SLCO3A1: variants seen among roughly 807,000 people sequenced by gnomAD.
SLCO3A1 encodes solute carrier organic anion transporter family member 3A1.
In SLCO3A1, 27 loss-of-function variants were observed where a neutral mutation model predicts 63.1. The ratio of observed to expected loss-of-function variants is 0.43; its 90% CI spans 0.32 to 0.59. The LOEUF (loss-of-function observed/expected upper bound fraction) is 0.59, where lower values mean the gene tolerates loss of function less well. Ranked by LOEUF, SLCO3A1 falls within the 20% of genes least tolerant of loss-of-function variation. The pLI is 0.09. For synonymous variants in SLCO3A1, 473 were observed against 409.9 expected, an observed-to-expected ratio of 1.15 and a Z score of -1.86; for missense variants, 773 against 945.8, an observed-to-expected ratio of 0.82 and a Z score of 2.40.
intron 8 of SLCO3A1, among the ~76,000 whole-genome samples, chr15:92,147,567 G>T (rs2048244632): frequency 6.6e-6 from 1 of 152,176 alleles, no homozygotes; most frequent in African/African-American, 2.4e-5. Flanking sequence ...TCTGTAACTG[G>T]GGGTGATATG....
chr15:92,043,148 C>T (rs2053224159), intron 2 of SLCO3A1, among the ~76,000 whole-genome samples: 1 of 142,000 alleles, frequency 7.0e-6, no homozygotes, highest in Non-Finnish European at 1.5e-5. Flanking sequence ...TGTTTGCTTT[C>T]CATGCTTGCC....
At chr15:92,170,781 A>C (rs184662346), downstream of SLCO3A1, 1 of 151,960 alleles carries the variant, frequency 6.6e-6, no homozygotes, top group Admixed American at 6.6e-5. Flanking sequence ...CTTTCAAAAC[A>C]CTCCTCCTTC....
At chr15:91,994,508 C>T (rs2046166793) in intron 2 of SLCO3A1, among the ~76,000 whole-genome samples, 1 of 152,160 alleles carries the variant, frequency 6.6e-6, no homozygotes, top group East Asian at 1.9e-4. Flanking sequence ...AGTCCATGCC[C>T]TCAGCAGCTA....
At chr15:91,919,657 C>A (rs1373080990) in intron 2 of SLCO3A1, among the ~76,000 whole-genome samples, 1 of 152,158 alleles carries the variant, frequency 6.6e-6, no homozygotes, top group Admixed American at 6.5e-5. Context: ...AGCTGTCCTT[C>A]TGTTTCTCTA....
intron 2 of SLCO3A1, among the ~76,000 whole-genome samples, chr15:91,921,716 G>A (rs1183169810): frequency 6.8e-6 from 1 of 147,570 alleles, no homozygotes; most frequent in Non-Finnish European, 1.5e-5. Context: ...AATTTATTCA[G>A]ATTTCTCTTT....
chr15:91,929,717 C>T (rs936979525), intron 2 of SLCO3A1, among the ~76,000 whole-genome samples: 3 of 152,282 alleles, frequency 2.0e-5, no homozygotes. Flanking sequence ...TCTCCAGGCC[C>T]TGGCAACCAC....
At chr15:92,061,680 G>GAGCT (rs1376694662) in intron 2 of SLCO3A1, among the ~76,000 whole-genome samples, 1 of 152,228 alleles carries the variant, frequency 6.6e-6, no homozygotes, top group Non-Finnish European at 1.5e-5. Flanking sequence ...TGGAGATGGG[G>GAGCT]AGCTACAGGA....
rs1427713409 is a variant in SLCO3A1 at position 91,865,238 on chromosome 15, T to G, written c.180+11150T>G. Among the ~76,000 whole-genome samples the G allele has an allele frequency of 6.6e-6, 1 of 152,234 alleles. No homozygotes were observed. Among genetic ancestry groups the G allele is most frequent in the Non-Finnish European group, 1.5e-5 (1 of 68,046 alleles). ...GGACTTGACATTTTATTTAAACTTTTCCTTTTGTAGAGTTCGTAGGACAGT... is the reference window on the plus strand; with the variant it reads ...GGACTTGACATTTTATTTAAACTTTGCCTTTTGTAGAGTTCGTAGGACAGT... On this transcript the variant is annotated intron_variant, in intron 1 of 9. Coordinates refer to ENST00000318445, the MANE Select transcript of SLCO3A1 (RefSeq NM_013272.4). The surrounding 1 kb of genome is among the most constrained non-coding windows in gnomAD (Gnocchi z 4.6).
chr15:92,133,302 T>G (rs1040022270), intron 7 of SLCO3A1, among the ~76,000 whole-genome samples: 1 of 146,632 alleles, frequency 6.8e-6, no homozygotes, highest in African/African-American at 2.5e-5. Context: ...GGTCAGCATC[T>G]AAGCTGACAC....
chr15:92,035,878 T>C (rs2151483500), intron 2 of SLCO3A1, among the ~76,000 whole-genome samples: 1 of 151,912 alleles, frequency 6.6e-6, no homozygotes, highest in South Asian at 2.1e-4. Context: ...TTTTGGGTGG[T>C]ACCACAATTT....
chr15:92,072,529 G>A (rs920977269), intron 2 of SLCO3A1, among the ~76,000 whole-genome samples: 6 of 152,124 alleles, frequency 3.9e-5, no homozygotes, highest in African/African-American at 1.2e-4. Flanking sequence ...ACAACTTTAC[G>A]CAAAAACTGT....
rs976216 is a variant in SLCO3A1, at chr15:91,968,566, T to C, written c.646+52108T>C. Among the ~76,000 whole-genome samples the C allele has an allele frequency of 0.33, 50,357 of 151,664 alleles. 8,994 individuals carry two copies. The highest frequency in any genetic ancestry group is 0.4 in the Non-Finnish European group (27,471 of 67,844). On this transcript the variant is annotated intron_variant, in intron 2 of 9. Transcript: ENST00000318445. This position sits in a 1 kb window ranked among gnomAD's most constrained non-coding sequence, Gnocchi z 4.2. ...GACCAGTGGCATCAAATTCTGGTGCTAACAAAGGAAGTTCCATCACAGACA... is the reference window on the plus strand; with the variant it reads ...GACCAGTGGCATCAAATTCTGGTGCCAACAAAGGAAGTTCCATCACAGACA...
chr15:91,933,283 A>G (rs1899297111), intron 2 of SLCO3A1, among the ~76,000 whole-genome samples: 1 of 152,182 alleles, frequency 6.6e-6, no homozygotes, highest in South Asian at 2.1e-4. Context: ...AAAATATATA[A>G]TTATGTAAGC....
chr15:92,134,502 AC>A (rs1192240883), intron 7 of SLCO3A1, among the ~76,000 whole-genome samples: 8 of 152,378 alleles, frequency 5.3e-5, no homozygotes, highest in Non-Finnish European at 1.0e-4. Flanking sequence ...ACCTTACCTT[AC>A]AATATAGTTA....
In SLCO3A1 at chr15:91,881,330, A is replaced by G. The variant is rs1897580345; in HGVS notation, c.180+27242A>G. Among the ~76,000 whole-genome samples, 11 of 151,330 alleles carry G rather than the reference A, an allele frequency of 7.3e-5. No individual in the cohort carries two copies. The South Asian group carries it at 2.3e-3, about 32-fold the overall frequency. On this transcript the variant is annotated intron_variant, in intron 1 of 9. Coordinates refer to ENST00000318445, the MANE Select transcript of SLCO3A1 (RefSeq NM_013272.4). ...ATGCTCGGGGATTTTCTAACTGGTC[A>G]TGTGACAGAATTTAAACACCAAAAC... is the stretch of plus-strand genomic sequence containing the variant.
Position 92,158,418 on chromosome 15 carries a change from A to C in SLCO3A1, c.1754-4338A>C, listed in dbSNP as rs1241933908. ...TGGAATTTTGAAATATCAAACCTGG[A>C]ACAAATAATCTCACTCTCAGTTTAT... is the stretch of plus-strand genomic sequence containing the variant. On this transcript the variant is annotated intron_variant, in intron 9 of 9. Transcript: ENST00000318445. Among the ~76,000 whole-genome samples the C allele has an allele frequency of 2.0e-5, 3 of 152,360 alleles. No homozygotes were observed. In the South Asian group the frequency reaches 6.2e-4, roughly 32 times the overall value.
At chr15:92,092,904 A>C (rs2047493995) in intron 2 of SLCO3A1, among the ~76,000 whole-genome samples, 1 of 152,238 alleles carries the variant, frequency 6.6e-6, no homozygotes, top group South Asian at 2.1e-4. Context: ...ATTAACAGAA[A>C]TAAGATTCTA....
At chr15:91,858,667 A>AT (rs1381812746) in intron 1 of SLCO3A1, among the ~76,000 whole-genome samples, 1 of 152,238 alleles carries the variant, frequency 6.6e-6, no homozygotes, top group Non-Finnish European at 1.5e-5. Flanking sequence ...ATTGCCCAGC[A>AT]TTTGCAGCTC....
chr15:91,988,852 A>C (rs1386420916), intron 2 of SLCO3A1, among the ~76,000 whole-genome samples: 1 of 152,230 alleles, frequency 6.6e-6, no homozygotes, highest in East Asian at 1.9e-4. Context: ...AGGACAGACC[A>C]TAAATCCTAC....
Sources: allele counts gnomAD v4.1 joint callset (sites outside exome capture counted in the v4.1 genomes callset), GRCh38; gene constraint gnomAD v4.1.1; non-coding constraint Gnocchi (gnomAD v3.1); transcripts MANE v1.5; gene names NCBI Gene and HGNC (gene_info 2026-07-23, HGNC 2026-07-21).